The following OPA1 variants were observed in gnomAD, a reference collection of about 807,000 sequenced individuals.
The protein encoded by OPA1 is dynamin-like GTPase OPA1, mitochondrial.
A neutral mutation model predicts 152.9 loss-of-function variants in OPA1; 59 were observed. That is an observed-to-expected ratio of 0.39 (90% CI 0.31 to 0.48). OPA1 has a LOEUF of 0.48. Ranked by LOEUF, OPA1 falls within the 20% of genes least tolerant of loss-of-function variation. The pLI is 0.96. For missense variants in OPA1, 1,008 were observed against 1,216.8 expected, an observed-to-expected ratio of 0.83 and a Z score of 2.55; for synonymous variants, 400 against 389.9, an observed-to-expected ratio of 1.03 and a Z score of -0.31.
At chr3:193,664,177 A>G (rs1360527750) in intron 26 of OPA1, among the ~76,000 whole-genome samples, 2 of 152,158 alleles carry the variant, frequency 1.3e-5, no homozygotes, top group African/African-American at 2.4e-5. Context: ...TAAAATAAGT[A>G]GCAAAGTACC....
At chr3:193,594,927 G>A (rs1378578923) in intron 1 of OPA1, among the ~76,000 whole-genome samples, 1 of 152,148 alleles carries the variant, frequency 6.6e-6, no homozygotes, top group African/African-American at 2.4e-5. Context: ...AAAGAGAAAA[G>A]ACTGCAGAAG....
intron 1 of OPA1, among the ~76,000 whole-genome samples, chr3:193,609,277 T>A (rs535263573): frequency 3.3e-5 from 5 of 152,362 alleles, no homozygotes; most frequent in Admixed American, 3.3e-4. Flanking sequence ...TAAAGGATTT[T>A]ATTTCTCCTT....
At chr3:193,599,175 T>G (rs1269267069) in intron 1 of OPA1, among the ~76,000 whole-genome samples, 1 of 152,236 alleles carries the variant, frequency 6.6e-6, no homozygotes, top group Non-Finnish European at 1.5e-5. Flanking sequence ...AACATTATCT[T>G]TACTATTTTC....
At chr3:193,602,255 A>G (rs1349594415) in intron 1 of OPA1, among the ~76,000 whole-genome samples, 1 of 152,146 alleles carries the variant, frequency 6.6e-6, no homozygotes, top group Non-Finnish European at 1.5e-5. Flanking sequence ...ATGTGGACCC[A>G]TGGTTCAAAG....
intron 16 of OPA1, among the ~76,000 whole-genome samples, chr3:193,645,194 GCACTGTATCAT>G (rs767888481): frequency 6.6e-6 from 1 of 152,030 alleles, no homozygotes; most frequent in Non-Finnish European, 1.5e-5. Flanking sequence ...TTCATGCCTG[GCACTGTATCAT>G]ATTGTCCCAT....
Position 193,658,980 on chromosome 3 carries a change from G to A in OPA1, c.2425G>A (p.Ala809Thr). The A allele has an allele frequency of 6.2e-7, 1 of 1,612,492 alleles. No homozygotes were observed. The highest frequency in any genetic ancestry group is 8.5e-7 in the Non-Finnish European group (1 of 1,178,566). ...TTATTTTATGGAAGAGGCTCTGCAGGCTCGTCTCAAGGATAGTAAGTGGAG... is the reference window on the plus strand; with the variant it reads ...TTATTTTATGGAAGAGGCTCTGCAGACTCGTCTCAAGGATAGTAAGTGGAG... ...AIYFMEEALQ[A>T]RLKDTENAIE... The change falls in exon 24 of 31, where the codon GCT (alanine) becomes ACT (threonine). Residue 809 changes from alanine (A) to threonine (T), a missense_variant. Physicochemically the swap from Ala to Thr is moderately conservative, Grantham distance 58. This residue lies in a region of OPA1 where 229 missense variants were observed against 269.0 expected (regional missense o/e 0.85). Transcript: ENST00000361510.
chr3:193,596,520 G>C (rs528892183), intron 1 of OPA1, among the ~76,000 whole-genome samples: 2 of 151,626 alleles, frequency 1.3e-5, no homozygotes, highest in African/African-American at 4.9e-5. Flanking sequence ...GATTACAGGC[G>C]TGCGCCACTG....
chr3:193,697,789 A>G lies in OPA1; in HGVS notation c.*3189A>G, dbSNP rs189569993. Reference sequence around the variant, plus strand: ...TTTGTTATTTTCCTTGGTAAAATATATAAAAAAGGTTTTCTAATTTCACTT... The same window carrying G: ...TTTGTTATTTTCCTTGGTAAAATATGTAAAAAAGGTTTTCTAATTTCACTT... On this transcript the variant is annotated 3_prime_UTR_variant, in exon 31 of 31. Transcript: ENST00000361510. 2 of 152,348 alleles carry G rather than the reference A, an allele frequency of 1.3e-5. No homozygotes were observed. The highest frequency in any genetic ancestry group is 6.5e-5 in the Admixed American group (1 of 15,302). The allele number at this position is 152,348 out of a possible 1,614,324, so 9.4% of individuals were successfully genotyped here.
intron 27 of OPA1, among the ~76,000 whole-genome samples, chr3:193,665,617 C>T (rs1306599713): frequency 3.3e-5 from 5 of 152,096 alleles, no homozygotes; most frequent in African/African-American, 1.2e-4. Context: ...AGCAAAAATG[C>T]TTTTAAATAT....
chr3:193,614,789 A>C lies in OPA1; in HGVS notation c.99A>C (p.Leu33=). Residue 33 remains leucine, a synonymous_variant, in exon 2 of 31, where the codon CTA becomes CTC. Coordinates refer to ENST00000361510, the MANE Select transcript of OPA1 (RefSeq NM_130837.3). ...GIKGSLPLQK[L]HLVSRSIYHS... ...AAGGAAGTTTACCACTACAAAAACTACATCTGGTTTCACGAAGCATTTATC... is the reference window on the plus strand; with the variant it reads ...AAGGAAGTTTACCACTACAAAAACTCCATCTGGTTTCACGAAGCATTTATC... 1 of 1,614,018 alleles carries C rather than the reference A, an allele frequency of 6.2e-7. No individual in the cohort carries two copies. Among genetic ancestry groups the C allele is most frequent in the Non-Finnish European group, 8.5e-7 (1 of 1,179,876 alleles).
intron 29 of OPA1, among the ~76,000 whole-genome samples, chr3:193,674,058 T>C (rs893805819): frequency 6.6e-5 from 10 of 152,380 alleles, no homozygotes; most frequent in Admixed American, 2.0e-4. Flanking sequence ...GTGCTCGGCC[T>C]CTTGCCTCTG....
chr3:193,671,084 G>C (rs890615939), intron 29 of OPA1, among the ~76,000 whole-genome samples: 4 of 152,056 alleles, frequency 2.6e-5, no homozygotes, highest in African/African-American at 4.8e-5. Context: ...ATAAATAAGG[G>C]AATAAAACCA....
chr3:193,679,464 C>T (rs1719776897), intron 29 of OPA1, among the ~76,000 whole-genome samples: 1 of 152,006 alleles, frequency 6.6e-6, no homozygotes, highest in African/African-American at 2.4e-5. Flanking sequence ...CCATGTGTGT[C>T]TGTAAAGTCA....
At chr3:193,659,437 G>T (rs1214054982) in intron 24 of OPA1, 45 bp from the exon 25 acceptor site, 4 of 1,400,904 alleles carry the variant, frequency 2.9e-6, no homozygotes, top group Non-Finnish European at 4.0e-6. Context: ...TAATTTGTGT[G>T]TGTGTAAGTG....
In OPA1 at chr3:193,666,330, T is replaced by C; in HGVS notation, c.2813T>C (p.Ile938Thr). The C allele has an allele frequency of 6.2e-7, 1 of 1,614,194 alleles. No homozygotes were observed. The highest frequency in any genetic ancestry group is 2.2e-5 in the East Asian group (1 of 44,884). The change falls in exon 28 of 31, where the codon ATA becomes ACA. Residue 938 changes from isoleucine to threonine, a missense_variant. This residue lies in a region of OPA1 where 137 missense variants were observed against 171.0 expected (regional missense o/e 0.80). Transcript: ENST00000361510. ...AATGATGTGGTCTTGTTTTGGCGTA[T>C]ACAGCGCATGCTTGCTATCACCGCA... ...ECNDVVLFWR[I>T]QRMLAITANT...
At chr3:193,680,238 C>T (rs1329919083) in intron 29 of OPA1, among the ~76,000 whole-genome samples, 1 of 152,106 alleles carries the variant, frequency 6.6e-6, no homozygotes, top group Non-Finnish European at 1.5e-5. Context: ...CAGTGATGAA[C>T]TGACTGTTTA....
intron 1 of OPA1, among the ~76,000 whole-genome samples, chr3:193,597,536 C>G (rs538122184): frequency 2.0e-5 from 3 of 151,674 alleles, no homozygotes; most frequent in African/African-American, 7.3e-5. Flanking sequence ...ACTAAAAATA[C>G]AAAAAGTAGC....
chr3:193,647,930 T>G, intron 19 of OPA1, 140 bp from the exon 20 acceptor site: 8 of 681,608 alleles, frequency 1.2e-5, no homozygotes, highest in East Asian at 5.6e-5. Flanking sequence ...TCTGAGACGT[T>G]GAGATCCCAG....
intron 29 of OPA1, among the ~76,000 whole-genome samples, chr3:193,685,885 A>T (rs1013021487): frequency 6.6e-6 from 1 of 152,236 alleles, no homozygotes; most frequent in African/African-American, 2.4e-5. Flanking sequence ...CATTTTATAG[A>T]TAAAGCTAGG....
Sources: allele counts gnomAD v4.1 joint callset (sites outside exome capture counted in the v4.1 genomes callset), GRCh38; gene constraint gnomAD v4.1.1; regional missense constraint gnomAD v4.1.1; transcripts MANE v1.5; gene names NCBI Gene and HGNC (gene_info 2026-07-23, HGNC 2026-07-21).